The following ZNF441 variants were observed in gnomAD, a reference collection of about 807,000 sequenced individuals.
ZNF441 encodes zinc finger protein 441.
Under a neutral mutation model 64.5 loss-of-function variants are expected in ZNF441, and 25 were observed. The ratio of observed to expected loss-of-function variants is 0.39; its 90% CI spans 0.28 to 0.54. ZNF441 has a LOEUF of 0.54. ZNF441 is among the 20% of genes least tolerant of loss of function. The pLI, the probability that ZNF441 is intolerant of heterozygous loss-of-function variation, is 0.70. For missense variants in ZNF441, 715 were observed against 843.3 expected (o/e 0.85, Z 1.88); for synonymous variants, 262 against 268.0 (o/e 0.98, Z 0.22).
rs1013495497 is a variant in ZNF441, at chr19:11,767,790, T to C, written c.3+594T>C. Among the ~76,000 whole-genome samples, 9 of 152,204 alleles carry C rather than the reference T, an allele frequency of 5.9e-5. No homozygotes were observed. The highest frequency in any genetic ancestry group is 1.3e-4 in the Non-Finnish European group (9 of 68,044). ...TCTGAGAAAGAACTCAGGCGACTCT[T>C]GAGCAACTCTCAGAGATCTCATCCC... On this transcript the variant is annotated intron_variant, in intron 1 of 3. Transcript: ENST00000357901. The surrounding 1 kb of genome is among the most constrained non-coding windows in gnomAD (Gnocchi z 5.1).
intron 1 of ZNF441, among the ~76,000 whole-genome samples, chr19:11,775,351 A>G (rs1975345489): frequency 1.3e-5 from 2 of 151,834 alleles, no homozygotes; most frequent in African/African-American, 4.8e-5. Context: ...TTTTTTTGAG[A>G]TGGAGTCTCG....
chr19:11,767,610 G>A lies in ZNF441; in HGVS notation c.3+414G>A, dbSNP rs1975281039. Among the ~76,000 whole-genome samples the A allele has an allele frequency of 6.6e-6, 1 of 152,160 alleles. No individual in the cohort carries two copies. The highest frequency in any genetic ancestry group is 2.4e-5 in the African/African-American group (1 of 41,438). ...TGGGGATGGGGTGTTTAGGGGTGTGGACAGGGGCGGCTGGGGCGTGGGGTC... is the reference window on the plus strand; with the variant it reads ...TGGGGATGGGGTGTTTAGGGGTGTGAACAGGGGCGGCTGGGGCGTGGGGTC... On this transcript the variant is annotated intron_variant, in intron 1 of 3. Coordinates refer to ENST00000357901, the MANE Select transcript of ZNF441 (RefSeq NM_152355.3). The surrounding 1 kb of genome is among the most constrained non-coding windows in gnomAD (Gnocchi z 5.1).
chr19:11,780,900 C>T lies in ZNF441; in HGVS notation c.1076C>T (p.Thr359Ile). The change falls in exon 4 of 4, where the codon ACT becomes ATT. Residue 359 changes from threonine to isoleucine, a missense_variant. Thr to Ile is a moderately conservative substitution (Grantham distance 89). Coordinates refer to ENST00000357901, the MANE Select transcript of ZNF441 (RefSeq NM_152355.3). The part of the protein sequence containing the change: ...TGFRRHMITH[T>I]GDGPHKCKVC... ...TTTCGAAGACACATGATAACGCACACTGGAGATGGACCTCATAAATGCAAG... is the reference window on the plus strand; with the variant it reads ...TTTCGAAGACACATGATAACGCACATTGGAGATGGACCTCATAAATGCAAG... 1 of 1,614,050 alleles carries T rather than the reference C, an allele frequency of 6.2e-7. No individual in the cohort carries two copies. Among genetic ancestry groups the T allele is most frequent in the South Asian group, 1.1e-5 (1 of 91,076 alleles).
chr19:11,780,092 G>C lies in ZNF441; in HGVS notation c.268G>C (p.Asp90His). The change falls in exon 4 of 4, where the codon GAC (aspartate) becomes CAC (histidine). Residue 90 changes from aspartate (D) to histidine (H), a missense_variant. Physicochemically the swap from Asp to His is moderately conservative, Grantham distance 81. Around this residue, in one of 2 missense-constraint regions of ZNF441, gnomAD observed 399 missense variants for 413.9 expected, o/e 0.96. Coordinates refer to ENST00000357901, the MANE Select transcript of ZNF441 (RefSeq NM_152355.3). ...QCGGPFTQTQDSIVNEKIPGV... is the reference protein window; with the variant it reads ...QCGGPFTQTQHSIVNEKIPGV... The stretch of plus-strand genomic sequence containing the variant: ...TGGAGGACCCTTTACCCAGACTCAA[G>C]ACAGTATTGTGAACGAGAAAATACC... The C allele has an allele frequency of 6.2e-7, 1 of 1,614,166 alleles. No individual in the cohort carries two copies.
At chr19:11,779,973 TC>T in intron 3 of ZNF441, 45 bp from the exon 4 acceptor site, 1 of 1,420,090 alleles carries the variant, frequency 7.0e-7, no homozygotes, top group Admixed American at 2.2e-5. Flanking sequence ...TAATACAAAA[TC>T]ATTTATAAAC....
In ZNF441 at chr19:11,783,211, A is replaced by C. The variant is rs1479726605; in HGVS notation, c.*1305A>C. On this transcript the variant is annotated 3_prime_UTR_variant, in exon 4 of 4. Coordinates refer to ENST00000357901, the MANE Select transcript of ZNF441 (RefSeq NM_152355.3). ...GGAAATATGTTCAACATCACTAATG[A>C]TTAGGAAAATGCAAATTGAAACCAC... 6.6e-6 allele frequency: 1 copy of C among 152,230 alleles called. No homozygotes were observed. Among genetic ancestry groups the C allele is most frequent in the African/African-American group, 2.4e-5 (1 of 41,466 alleles). 9.4% of individuals were successfully genotyped at this position (152,230 alleles called of 1,614,324 possible).
rs763208652 is a variant in ZNF441 at position 11,780,501 on chromosome 19, A to G, written c.677A>G (p.Tyr226Cys). 6 of 1,614,034 alleles carry G rather than the reference A, an allele frequency of 3.7e-6. No individual in the cohort carries two copies. Among genetic ancestry groups the G allele is most frequent in the Admixed American group, 1.7e-5 (1 of 60,004 alleles). The change falls in exon 4 of 4, where the codon TAT becomes TGT. Residue 226 changes from tyrosine (Y) to cysteine (C), a missense_variant. By Grantham distance (194) the Tyr-to-Cys change is radical. Coordinates refer to ENST00000357901, the MANE Select transcript of ZNF441 (RefSeq NM_152355.3). ...RTHTEEKPYE[Y>C]EQCSTAFPAY... Reference sequence around the variant, plus strand: ...CACACTGAAGAGAAACCATATGAATATGAGCAGTGTTCTACAGCGTTTCCT... The same window carrying G: ...CACACTGAAGAGAAACCATATGAATGTGAGCAGTGTTCTACAGCGTTTCCT...
chr19:11,775,369 G>T (rs564402903), intron 1 of ZNF441, among the ~76,000 whole-genome samples: 22 of 152,174 alleles, frequency 1.4e-4, no homozygotes, highest in African/African-American at 5.3e-4. Flanking sequence ...TCGCGCTGTC[G>T]CCCAGGCTGG....
chr19:11,778,544 G>A (rs183342764), intron 3 of ZNF441, among the ~76,000 whole-genome samples, 151 bp downstream of exon 3: 3 of 152,190 alleles, frequency 2.0e-5, no homozygotes, highest in Admixed American at 6.5e-5. Context: ...CTGTAGCCTC[G>A]GACTCCTGTG....
rs1183424651 is a variant in ZNF441, at chr19:11,778,318, TCTAA to T, written c.131-9_131-6del. ...AATAATTTATAGTCATTTTTCTGGT[TCTAA>T]CTTTTAGGAATGATATGGCAAAATC... On this transcript the variant is annotated splice_polypyrimidine_tract_variant and splice_region_variant and intron_variant, in intron 2 of 3. Transcript: ENST00000357901. 6 of 1,517,024 alleles carry T rather than the reference TCTAA, an allele frequency of 4.0e-6. No homozygotes were observed. The highest frequency in any genetic ancestry group is 5.3e-6 in the Non-Finnish European group (6 of 1,123,526). The allele number at this position is 1,517,024 out of a possible 1,614,324, so 94.0% of individuals were successfully genotyped here.
At chr19:11,772,752 A>G (rs1185556112) in intron 1 of ZNF441, among the ~76,000 whole-genome samples, 1 of 152,098 alleles carries the variant, frequency 6.6e-6, no homozygotes, top group Non-Finnish European at 1.5e-5. Flanking sequence ...ACATCCAGCC[A>G]CTCAGGAGGC....
At position 11,767,864 on chromosome 19, in the gene ZNF441, T is replaced by C. The variant is rs1032029601; in HGVS notation, c.3+668T>C. ...GTCAGCATCTGCTGTGGCCTGACTC[T>C]TGGGGAGGCGGCCCCGCGAGGCAGC... On this transcript the variant is annotated intron_variant, in intron 1 of 3. Transcript: ENST00000357901. This position sits in a 1 kb window ranked among gnomAD's most constrained non-coding sequence, Gnocchi z 5.1. Among the ~76,000 whole-genome samples the C allele has an allele frequency of 7.2e-5, 11 of 152,160 alleles. No homozygotes were observed. The highest frequency in any genetic ancestry group is 2.4e-4 in the African/African-American group (10 of 41,442).
intron 3 of ZNF441, among the ~76,000 whole-genome samples, chr19:11,779,544 G>A (rs1975381041): frequency 6.6e-6 from 1 of 151,938 alleles, no homozygotes; most frequent in Non-Finnish European, 1.5e-5. Context: ...AGGAGATCGA[G>A]ACCATCCTGG....
Position 11,780,325 on chromosome 19 carries a change from ACT to A in ZNF441, c.504_505del (p.Tyr169Ter). 1 of 1,614,158 alleles carries A rather than the reference ACT, an allele frequency of 6.2e-7. No individual in the cohort carries two copies. The highest frequency in any genetic ancestry group is 2.2e-5 in the East Asian group (1 of 44,886). On this transcript the variant is annotated frameshift_variant, in exon 4 of 4. Transcript: ENST00000357901. LOFTEE classifies it high-confidence loss of function. ...ATGAAAGACCTCAGCATGGAAAGAA[ACT>A]CTATGATTGTAAGGAATGTGCAAGC... Reference protein sequence around the residue: ...IHERPQHGKKLYDCKECASFS... With the variant: ...IHERPQHGKKXYDCKECASFS...
At chr19:11,778,486 T>A (rs1329879610) in intron 3 of ZNF441, 93 bp downstream of exon 3, 53 of 1,027,122 alleles carry the variant, frequency 5.2e-5, no homozygotes, top group Non-Finnish European at 7.3e-5. Flanking sequence ...AGAGACAGTG[T>A]CTCACTTTGT....
In ZNF441 at chr19:11,767,328, G is replaced by A. The variant is rs1054420827; in HGVS notation, c.3+132G>A. The A allele has an allele frequency of 2.0e-5, 28 of 1,422,058 alleles. No individual in the cohort carries two copies. The highest frequency in any genetic ancestry group is 2.6e-5 in the Non-Finnish European group (27 of 1,040,162). 88.1% of individuals were successfully genotyped at this position (1,422,058 alleles called of 1,614,324 possible). On this transcript the variant is annotated intron_variant, in intron 1 of 3. Transcript: ENST00000357901. The surrounding 1 kb of genome is among the most constrained non-coding windows in gnomAD (Gnocchi z 5.1). ...GCGCAGCTCGGCCCTCGGTTCCCTC[G>A]GCCGCACGATGGGGCTGGGGCGGCA...
intron 1 of ZNF441, among the ~76,000 whole-genome samples, chr19:11,768,722 G>T (rs774040107): frequency 6.6e-6 from 1 of 152,198 alleles, no homozygotes; most frequent in African/African-American, 2.4e-5. Context: ...GAGTCTCCTG[G>T]TATACCCTTC....
At chr19:11,771,104 G>C (rs1163285744) in intron 1 of ZNF441, among the ~76,000 whole-genome samples, 2 of 152,132 alleles carry the variant, frequency 1.3e-5, no homozygotes, top group Non-Finnish European at 2.9e-5. Context: ...CAAGAAATCA[G>C]TAGAAAACAT....
Position 11,780,437 on chromosome 19 carries a change from T to C in ZNF441, c.613T>C (p.Phe205Leu). 1 of 1,614,206 alleles carries C rather than the reference T, an allele frequency of 6.2e-7. No individual in the cohort carries two copies. Among genetic ancestry groups the C allele is most frequent in the Non-Finnish European group, 8.5e-7 (1 of 1,180,040 alleles). Residue 205 changes from phenylalanine to leucine, a missense_variant, in exon 4 of 4, where the codon TTT becomes CTT. This residue lies in a region of ZNF441 where 399 missense variants were observed against 413.9 expected (regional missense o/e 0.96). Coordinates refer to ENST00000357901, the MANE Select transcript of ZNF441 (RefSeq NM_152355.3). ...TATATGTAAGTTGTGTGGAAACGCC[T>C]TTATTTGGCCTAGTTTATTTCATAT... ...PRICKLCGNA[F>L]IWPSLFHMLR... is the part of the protein sequence containing the mutation.
Sources: gnomAD v4.1 joint callset for allele counts (sites outside exome capture counted in the v4.1 genomes callset) on GRCh38, gnomAD v4.1.1 for gene constraint, gnomAD v4.1.1 regional missense constraint, Gnocchi (gnomAD v3.1) non-coding constraint, MANE v1.5 for transcripts, NCBI Gene and HGNC (gene_info 2026-07-23, HGNC 2026-07-21) for gene names.